CASP4: variants seen among roughly 807,000 people sequenced by gnomAD.
The protein encoded by CASP4 is caspase-4.
CASP4 carries 29 observed loss-of-function variants against 41.3 expected under a neutral mutation model. That is an observed-to-expected ratio of 0.70 (90% CI 0.52 to 0.96). The LOEUF is 0.96. Among genes scored for constraint, CASP4 ranks in the 40% least tolerant of loss-of-function variants. CASP4 has a pLI of 0.00. For missense variants in CASP4, 447 were observed against 460.6 expected (o/e 0.97, Z 0.27); for synonymous variants, 185 against 158.4 (o/e 1.17, Z -1.26).
At chr11:104,943,133 T>G in intron 8 of CASP4, 160 bp from the exon 9 acceptor site, 1 of 357,612 alleles carries the variant, frequency 2.8e-6, no homozygotes, top group South Asian at 2.2e-5. Context: ...AATGTGATCT[T>G]TGTAAAACCT....
At chr11:104,955,800 C>A (rs894014035) in intron 1 of CASP4, among the ~76,000 whole-genome samples, 1 of 152,020 alleles carries the variant, frequency 6.6e-6, no homozygotes, top group African/African-American at 2.4e-5. Context: ...ATGATTTCGG[C>A]AGATTGTACA....
chr11:104,967,168 G>A (rs949572831), intron 1 of CASP4, among the ~76,000 whole-genome samples: 2 of 152,118 alleles, frequency 1.3e-5, no homozygotes, highest in African/African-American at 4.8e-5. Context: ...AATAATAGCT[G>A]TCTACATTTG....
rs1860500166 is a variant in CASP4 at position 104,947,780 on chromosome 11, T to A, written c.926-588A>T. 2.0e-5 allele frequency: 3 copies of A among 152,198 alleles called. 1 individual carries two copies. The allele number at this position is 152,198 out of a possible 1,614,324, so 9.4% of individuals were successfully genotyped here. ...ATTGTGTTATGTACTTGAAATTTGT[T>A]AAGAGAGTAGATTTTATGCTAAGTA... On this transcript the variant is annotated intron_variant, in intron 6 of 8. Transcript: ENST00000444739.
chr11:104,967,202 G>A (rs1860993641), intron 1 of CASP4, among the ~76,000 whole-genome samples: 1 of 152,092 alleles, frequency 6.6e-6, no homozygotes, highest in African/African-American at 2.4e-5. Flanking sequence ...ATCAAACCAC[G>A]ACTTGTTTTT....
chr11:104,957,050 G>C (rs1004870724), intron 1 of CASP4, among the ~76,000 whole-genome samples: 1 of 152,014 alleles, frequency 6.6e-6, no homozygotes, highest in African/African-American at 2.4e-5. Context: ...ACGTAGTTCT[G>C]ACCAGAGCAA....
At position 104,951,898 on chromosome 11, in the gene CASP4, C is replaced by T. The variant is rs1591128856; in HGVS notation, c.370G>A (p.Glu124Lys). The T allele has an allele frequency of 6.3e-7, 1 of 1,595,048 alleles. No homozygotes were observed. Residue 124 changes from glutamate to lysine, a missense_variant and splice_region_variant, in exon 3 of 9, where the codon GAG becomes AAG. By Grantham distance (56) the Glu-to-Lys change is moderately conservative. Coordinates refer to ENST00000444739, the MANE Select transcript of CASP4 (RefSeq NM_001225.4). ...ATTTCATATAGATAGCATAGCACCT[C>T]TTCAGCTCTTTCTTTACATAGTCTC... ...FLRLCKERAE[E>K]IYPIKERNNR...
chr11:104,948,749 C>A, intron 5 of CASP4, 73 bp from the exon 6 acceptor site: 1 of 1,396,892 alleles, frequency 7.2e-7, no homozygotes. Flanking sequence ...CCACCTTGTT[C>A]TTTTTGAATG....
At chr11:104,964,345 C>G (rs1163275941) in intron 1 of CASP4, among the ~76,000 whole-genome samples, 1 of 152,198 alleles carries the variant, frequency 6.6e-6, no homozygotes. Flanking sequence ...TCAGTTTTCA[C>G]AGTCAAGATA....
intron 1 of CASP4, among the ~76,000 whole-genome samples, chr11:104,962,058 A>AT (rs1436368097): frequency 2.6e-5 from 4 of 152,154 alleles, no homozygotes; most frequent in Non-Finnish European, 5.9e-5. Context: ...CTGTTTTGTT[A>AT]TGTGAATTCT....
In CASP4 at chr11:104,947,070, AAG is replaced by A; in HGVS notation, c.1035+11_1035+12del. ...TGAAGAAATAAATGAGTAACTAGAA[AAG>A]AGACACTTACCTTCCGAAATACTTC... On this transcript the variant is annotated intron_variant, in intron 7 of 8. Coordinates refer to ENST00000444739, the MANE Select transcript of CASP4 (RefSeq NM_001225.4). 1 of 1,510,874 alleles carries A rather than the reference AAG, an allele frequency of 6.6e-7. No homozygotes were observed. 93.6% of individuals were successfully genotyped at this position (1,510,874 alleles called of 1,614,324 possible). A position where few individuals can be genotyped will look rare whatever the true frequency, so the allele number is the denominator to read the frequency against.
At chr11:104,960,514 G>C (rs1026329841) in intron 1 of CASP4, among the ~76,000 whole-genome samples, 1 of 152,056 alleles carries the variant, frequency 6.6e-6, no homozygotes, top group African/African-American at 2.4e-5. Flanking sequence ...CTGTCACCCA[G>C]GCTGAAGTGC....
At chr11:104,946,604 C>T (rs1342006198) in intron 7 of CASP4, 1 of 152,140 alleles carries the variant, frequency 6.6e-6, no homozygotes, top group Non-Finnish European at 1.5e-5. Context: ...TTCCCTCTCA[C>T]ATGTCTTTAT....
intron 1 of CASP4, among the ~76,000 whole-genome samples, chr11:104,955,675 G>A (rs768993350): frequency 6.6e-6 from 1 of 151,944 alleles, no homozygotes; most frequent in Non-Finnish European, 1.5e-5. Context: ...CTTCCAGTGT[G>A]GTGGATTAGT....
At position 104,948,439 on chromosome 11, in the gene CASP4, A is replaced by G. The variant is rs534996514; in HGVS notation, c.925+94T>C. 143 of 1,236,920 alleles carry G rather than the reference A, an allele frequency of 1.2e-4. 2 individuals are homozygous for G. The highest frequency in any genetic ancestry group is 6.9e-4 in the Admixed American group (28 of 40,496). 76.6% of individuals were successfully genotyped at this position (1,236,920 alleles called of 1,614,324 possible). The stretch of plus-strand genomic sequence containing the variant: ...TGTGGAGAGCACACAACATTCTATC[A>G]GATCATTGTTTCATAGGGATTCTTG... On this transcript the variant is annotated intron_variant, in intron 6 of 8. Coordinates refer to ENST00000444739, the MANE Select transcript of CASP4 (RefSeq NM_001225.4).
intron 1 of CASP4, among the ~76,000 whole-genome samples, chr11:104,958,250 G>A (rs1391724737): frequency 2.0e-5 from 3 of 151,942 alleles, no homozygotes; most frequent in Non-Finnish European, 4.4e-5. Context: ...TGACAGAAAA[G>A]GACAGGAAAC....
intron 2 of CASP4, among the ~76,000 whole-genome samples, chr11:104,952,853 C>T (rs139139618): frequency 6.0e-4 from 92 of 152,284 alleles, no homozygotes; most frequent in African/African-American, 2.1e-3. Flanking sequence ...ACCTTCTGAG[C>T]ATCTCTTTTC....
intron 1 of CASP4, among the ~76,000 whole-genome samples, chr11:104,956,070 A>G (rs1231039792): frequency 3.9e-5 from 6 of 152,066 alleles, no homozygotes; most frequent in Non-Finnish European, 8.8e-5. Context: ...ACATAATATA[A>G]ATTAACTTAG....
In CASP4 at chr11:104,960,794, T is replaced by G. The variant is rs376332012; in HGVS notation, c.8-5793A>C. Among the ~76,000 whole-genome samples the G allele has an allele frequency of 4.7e-4, 72 of 152,118 alleles. 1 individual carries two copies. The highest frequency in any genetic ancestry group is 1.7e-3 in the African/African-American group (70 of 41,526). On this transcript the variant is annotated intron_variant, in intron 1 of 8. Coordinates refer to ENST00000444739, the MANE Select transcript of CASP4 (RefSeq NM_001225.4). ...CCAGCCTTTTTTTTTATTTTTCCATTTAATTGTGATTCCCAGCCTACTTAT... is the reference window on the plus strand; with the variant it reads ...CCAGCCTTTTTTTTTATTTTTCCATGTAATTGTGATTCCCAGCCTACTTAT...
chr11:104,944,845 G>C lies in CASP4; in HGVS notation c.1042C>G (p.Gln348Glu). The change falls in exon 8 of 9, where the codon CAA (glutamine) becomes GAA (glutamate). Residue 348 changes from glutamine to glutamate, a missense_variant. Coordinates refer to ENST00000444739, the MANE Select transcript of CASP4 (RefSeq NM_001225.4). ...HLEEVFRKVQ[Q>E]SFETPRAKAQ... is the part of the protein sequence containing the mutation. ...TTGGCCCTTGGAGTTTCAAATGATT[G>C]CTGTACCTGAAAAAGAAAATAGGCT... is the stretch of plus-strand genomic sequence containing the variant. The C allele has an allele frequency of 6.2e-7, 1 of 1,608,842 alleles. No homozygotes were observed.
Sources: allele counts gnomAD v4.1 joint callset (sites outside exome capture counted in the v4.1 genomes callset), GRCh38; gene constraint gnomAD v4.1.1; transcripts MANE v1.5; gene names NCBI Gene and HGNC (gene_info 2026-07-23, HGNC 2026-07-21).